The following C11orf65 variants were observed in gnomAD, a reference collection of about 807,000 sequenced individuals.
The protein encoded by C11orf65 is protein MFI.
Under a neutral mutation model 35.3 loss-of-function variants are expected in C11orf65, and 38 were observed. The observed-to-expected ratio is 1.08, with a 90% confidence interval of 0.83 to 1.41. The LOEUF (loss-of-function observed/expected upper bound fraction) is 1.41, where lower values mean the gene tolerates loss of function less well. Among genes scored for constraint, C11orf65 ranks in the 40% most tolerant of loss-of-function variants. The pLI, the probability that C11orf65 is intolerant of heterozygous loss-of-function variation, is 0.00. For synonymous variants in C11orf65, 105 were observed against 114.4 expected (o/e 0.92, Z 0.53); for missense variants, 370 against 367.1 (o/e 1.01, Z -0.06).
chr11:108,437,331 A>G (rs1161670423), intron 2 of C11orf65, among the ~76,000 whole-genome samples: 2 of 151,838 alleles, frequency 1.3e-5, no homozygotes, highest in Admixed American at 6.6e-5. Flanking sequence ...GTTGGCAGAA[A>G]ATTAATACCA....
chr11:108,385,085 A>G (rs1297977180), intron 8 of C11orf65, among the ~76,000 whole-genome samples: 1 of 152,100 alleles, frequency 6.6e-6, no homozygotes, highest in Non-Finnish European at 1.5e-5. Flanking sequence ...TACTAAAACT[A>G]TAAGTAACTT....
chr11:108,412,041 G>A (rs927102291), intron 3 of C11orf65, among the ~76,000 whole-genome samples: 4 of 152,084 alleles, frequency 2.6e-5, no homozygotes, highest in African/African-American at 4.8e-5. Context: ...CTCCCAAAGT[G>A]TTGGGATTAC....
chr11:108,388,183 T>G (rs922400344), intron 7 of C11orf65, among the ~76,000 whole-genome samples: 2 of 152,194 alleles, frequency 1.3e-5, no homozygotes, highest in African/African-American at 4.8e-5. Context: ...TGCTGAGCCC[T>G]GACAATCTGG....
At chr11:108,419,807 C>G (rs1162126925) in intron 3 of C11orf65, among the ~76,000 whole-genome samples, 2 of 152,126 alleles carry the variant, frequency 1.3e-5, no homozygotes, top group South Asian at 4.1e-4. Context: ...AATAGCATAC[C>G]TCATACTTAA....
chr11:108,442,730 T>G (rs1373493344), intron 2 of C11orf65, among the ~76,000 whole-genome samples: 2 of 152,170 alleles, frequency 1.3e-5, no homozygotes, highest in Non-Finnish European at 2.9e-5. Context: ...AAACTAAGCT[T>G]CATCAGTGAA....
chr11:108,442,662 G>A (rs934609207), intron 2 of C11orf65, among the ~76,000 whole-genome samples: 4 of 152,192 alleles, frequency 2.6e-5, no homozygotes, highest in African/African-American at 9.7e-5. Flanking sequence ...GACAGTGGGG[G>A]CCAATATTCA....
chr11:108,366,356 A>G (rs1388354063), intron 2 of C11orf65: 2 of 213,872 alleles, frequency 9.4e-6, no homozygotes, highest in Non-Finnish European at 1.9e-5. Flanking sequence ...CTAATTATGC[A>G]TCATTTTTCA....
intron 3 of C11orf65, among the ~76,000 whole-genome samples, chr11:108,411,073 G>A (rs1810130243): frequency 6.6e-6 from 1 of 151,920 alleles, no homozygotes; most frequent in Admixed American, 6.6e-5. Flanking sequence ...TGTAAACTTT[G>A]TAAATTGATT....
At chr11:108,321,113 A>C (rs2085173765) in intron 6 of C11orf65, among the ~76,000 whole-genome samples, 1 of 152,190 alleles carries the variant, frequency 6.6e-6, no homozygotes, top group East Asian at 1.9e-4. Context: ...CCATGCATTT[A>C]AATTTGTGTT....
chr11:108,458,905 GA>G (rs936180256), intron 2 of C11orf65, among the ~76,000 whole-genome samples: 15 of 150,930 alleles, frequency 9.9e-5, no homozygotes, highest in African/African-American at 2.7e-4. Flanking sequence ...AATTATGTGG[GA>G]AAAAAAAAGT....
intron 2 of C11orf65, among the ~76,000 whole-genome samples, chr11:108,371,044 TG>T (rs2091561569): frequency 6.6e-6 from 1 of 152,196 alleles, no homozygotes; most frequent in Non-Finnish European, 1.5e-5. Context: ...GACACATTGC[TG>T]ATTTGAAGGA....
chr11:108,444,396 G>A (rs1946750351), intron 2 of C11orf65, among the ~76,000 whole-genome samples: 1 of 152,104 alleles, frequency 6.6e-6, no homozygotes, highest in Non-Finnish European at 1.5e-5. Context: ...GGTACAAAGA[G>A]GAGCTGCTAC....
At chr11:108,349,426 A>G (rs1431769192) in intron 2 of C11orf65, among the ~76,000 whole-genome samples, 2 of 152,178 alleles carry the variant, frequency 1.3e-5, no homozygotes, top group African/African-American at 4.8e-5. Flanking sequence ...ACACTTTGGG[A>G]GGCCAAGGCA....
chr11:108,448,679 T>C (rs967721719), intron 2 of C11orf65, among the ~76,000 whole-genome samples: 3 of 152,184 alleles, frequency 2.0e-5, no homozygotes, highest in Non-Finnish European at 4.4e-5. Context: ...GCCAATATCA[T>C]ACTGAATGGG....
intron 2 of C11orf65, among the ~76,000 whole-genome samples, chr11:108,446,452 G>C (rs950045925): frequency 6.6e-6 from 1 of 151,670 alleles, no homozygotes; most frequent in African/African-American, 2.4e-5. Context: ...AACTCTACAA[G>C]CCAGAAGACA....
At chr11:108,467,988 G>T (rs188953999), upstream of C11orf65, among the ~76,000 whole-genome samples, 258 of 151,960 alleles carry the variant, frequency 1.7e-3, 2 homozygotes, top group African/African-American at 5.4e-3. Flanking sequence ...ACCACGCCAG[G>T]CTCATTTTTC....
At chr11:108,396,226 G>A (rs533001595) in intron 6 of C11orf65, among the ~76,000 whole-genome samples, 3 of 152,028 alleles carry the variant, frequency 2.0e-5, no homozygotes, top group Non-Finnish European at 2.9e-5. Context: ...TCAACTAGCT[G>A]GGATCACAGG....
chr11:108,358,908 T>TA (rs1456094497), intron 2 of C11orf65, among the ~76,000 whole-genome samples: 1 of 151,068 alleles, frequency 6.6e-6, no homozygotes, highest in Non-Finnish European at 1.5e-5. Context: ...AATCACCAGC[T>TA]AACATCATAA....
At chr11:108,370,530 A>C (rs1373985505) in intron 2 of C11orf65, among the ~76,000 whole-genome samples, 1 of 149,050 alleles carries the variant, frequency 6.7e-6, no homozygotes, top group African/African-American at 2.6e-5. Flanking sequence ...CATCAGTAGA[A>C]TATTGGGACA....
Sources: gnomAD v4.1 joint callset for allele counts (sites outside exome capture counted in the v4.1 genomes callset) on GRCh38, gnomAD v4.1.1 for gene constraint, MANE v1.5 for transcripts, NCBI Gene and HGNC (gene_info 2026-07-23, HGNC 2026-07-21) for gene names.